Variants in MAP3K9 observed in about 807,000 individuals in gnomAD.
MAP3K9 encodes the protein mitogen-activated protein kinase kinase kinase 9, also known as mixed lineage kinase 1 (tyr and ser/thr specificity).
A neutral mutation model predicts 95.8 loss-of-function variants in MAP3K9; 46 were observed. That is an observed-to-expected ratio of 0.48 (90% CI 0.38 to 0.61). MAP3K9 has a LOEUF of 0.61. Ranked by LOEUF, MAP3K9 falls within the 20% of genes least tolerant of loss-of-function variation. The pLI, the probability that MAP3K9 is intolerant of heterozygous loss-of-function variation, is 0.00. For missense variants in MAP3K9, 1,296 were observed against 1,474.3 expected, an observed-to-expected ratio of 0.88 and a Z score of 1.98; for synonymous variants, 533 against 593.8, an observed-to-expected ratio of 0.90 and a Z score of 1.49.
intron 2 of MAP3K9, among the ~76,000 whole-genome samples, chr14:70,761,487 G>A (rs1221054530): frequency 1.3e-4 from 20 of 152,178 alleles, no homozygotes; most frequent in Non-Finnish European, 1.5e-5. Context: ...TCCTGGCTGG[G>A]CACAGTGGTT....
intron 2 of MAP3K9, among the ~76,000 whole-genome samples, chr14:70,765,246 C>T (rs1320662207): frequency 6.6e-6 from 1 of 152,122 alleles, no homozygotes; most frequent in Non-Finnish European, 1.5e-5. Flanking sequence ...AGAAGAATTG[C>T]TTGAACTTGG....
chr14:70,730,960 C>A, intron 11 of MAP3K9, 96 bp from the exon 12 acceptor site: 1 of 1,307,274 alleles, frequency 7.6e-7, no homozygotes, highest in Non-Finnish European at 1.0e-6. Context: ...TATCCCTACG[C>A]AATCAGGAGA....
chr14:70,732,411 T>G, intron 11 of MAP3K9, 128 bp downstream of exon 11: 1 of 1,363,638 alleles, frequency 7.3e-7, no homozygotes, highest in Non-Finnish European at 9.5e-7. Flanking sequence ...CTGTATTTCT[T>G]GATTGGCTAA....
intron 11 of MAP3K9, among the ~76,000 whole-genome samples, chr14:70,732,243 C>T (rs1343458126): frequency 6.6e-6 from 1 of 152,148 alleles, no homozygotes; most frequent in Non-Finnish European, 1.5e-5. Context: ...GAAAACACTA[C>T]CCTACCCTAA....
chr14:70,785,623 C>T (rs1482591696), intron 2 of MAP3K9, among the ~76,000 whole-genome samples: 1 of 152,150 alleles, frequency 6.6e-6, no homozygotes, highest in African/African-American at 2.4e-5. Flanking sequence ...GTGTTTGGTA[C>T]TCCCAACCTT....
At position 70,774,725 on chromosome 14, in the gene MAP3K9, G is replaced by A. The variant is rs190053902; in HGVS notation, c.821-13543C>T. ...AAAAAGGCCAGGCACGGTGGCTCACGCCTGTAATCCCAGCACTGTGGGAGG... is the reference window on the plus strand; with the variant it reads ...AAAAAGGCCAGGCACGGTGGCTCACACCTGTAATCCCAGCACTGTGGGAGG... On this transcript the variant is annotated intron_variant, in intron 2 of 11. Transcript: ENST00000554752. Among the ~76,000 whole-genome samples the A allele has an allele frequency of 6.3e-3, 963 of 151,922 alleles. 11 individuals are homozygous for A. The highest frequency in any genetic ancestry group is 0.021 in the African/African-American group (877 of 41,428).
chr14:70,732,070 T>G (rs961751704), intron 11 of MAP3K9, among the ~76,000 whole-genome samples: 2 of 152,170 alleles, frequency 1.3e-5, no homozygotes, highest in African/African-American at 4.8e-5. Flanking sequence ...GGTGGAAGCC[T>G]GCCTTCTGAG....
chr14:70,785,896 C>G (rs1433833268), intron 2 of MAP3K9, among the ~76,000 whole-genome samples: 1 of 152,082 alleles, frequency 6.6e-6, no homozygotes, highest in Non-Finnish European at 1.5e-5. Flanking sequence ...TGTAATATTT[C>G]TGGACCACAG....
intron 2 of MAP3K9, among the ~76,000 whole-genome samples, chr14:70,786,915 C>T (rs184973175): frequency 6.6e-5 from 10 of 152,158 alleles, no homozygotes; most frequent in Admixed American, 6.5e-4. Context: ...TCTTGGTACT[C>T]ACTGATTAAG....
chr14:70,750,174 C>T, intron 3 of MAP3K9, 93 bp from the exon 4 acceptor site: 3 of 1,094,818 alleles, frequency 2.7e-6, no homozygotes, highest in South Asian at 2.9e-5. Context: ...CCCACATTCT[C>T]CCCAACAGAT....
intron 9 of MAP3K9, among the ~76,000 whole-genome samples, chr14:70,734,838 C>T (rs539178814): frequency 2.6e-5 from 4 of 152,276 alleles, no homozygotes; most frequent in East Asian, 3.9e-4. Context: ...GAGAAGCACT[C>T]GAAGCAGACA....
At chr14:70,745,737 CA>C (rs1217101409) in intron 5 of MAP3K9, among the ~76,000 whole-genome samples, 1,355 of 110,670 alleles carry the variant, frequency 0.012, 11 homozygotes, top group African/African-American at 0.029. Flanking sequence ...GACTCTGTCT[CA>C]AAAAAAAAAA....
chr14:70,781,688 C>A (rs1161999243), intron 2 of MAP3K9, among the ~76,000 whole-genome samples: 1 of 152,210 alleles, frequency 6.6e-6, no homozygotes, highest in Non-Finnish European at 1.5e-5. Context: ...TTCATTTAAT[C>A]CTCATTATAA....
At chr14:70,733,686 G>A in intron 10 of MAP3K9, 1 of 716,964 alleles carries the variant, frequency 1.4e-6, no homozygotes. Context: ...CACAGTTGCT[G>A]GGTGTGTCTG....
chr14:70,771,430 C>T (rs758027326), intron 2 of MAP3K9, among the ~76,000 whole-genome samples: 4 of 152,154 alleles, frequency 2.6e-5, no homozygotes, highest in South Asian at 2.1e-4. Context: ...AAGGCATATA[C>T]GTACTCCTGC....
Position 70,732,908 on chromosome 14 carries a change from G to A in MAP3K9, c.2461C>T (p.Pro821Ser). The A allele has an allele frequency of 6.2e-7, 1 of 1,613,972 alleles. No individual in the cohort carries two copies. The highest frequency in any genetic ancestry group is 8.5e-7 in the Non-Finnish European group (1 of 1,179,896). Residue 821 changes from proline (P) to serine (S), a missense_variant, in exon 11 of 12, where the codon CCC becomes TCC. By Grantham distance (74) the Pro-to-Ser change is moderately conservative. This residue lies in a region of MAP3K9 where 433 missense variants were observed against 441.4 expected (regional missense o/e 0.98). Transcript: ENST00000554752. ...PSRKLFKKEE[P>S]MLLLGDPSAS... ...GAGGGGTCTCCTAGCAACAGCATGG[G>A]CTCCTCCTTCTTGAAAAGCTTTCGG...
At chr14:70,788,540 A>G (rs1287415521) in intron 2 of MAP3K9, among the ~76,000 whole-genome samples, 1 of 152,240 alleles carries the variant, frequency 6.6e-6, no homozygotes, top group Non-Finnish European at 1.5e-5. Context: ...TAACAGAGCC[A>G]GGTAAGACTC....
intron 2 of MAP3K9, among the ~76,000 whole-genome samples, chr14:70,798,137 A>ACAG (rs2054885114): frequency 6.6e-6 from 1 of 152,192 alleles, no homozygotes; most frequent in Non-Finnish European, 1.5e-5. Context: ...TCTCCTACAA[A>ACAG]CAGCAGAACC....
rs140150807 is a variant in MAP3K9 at position 70,751,460 on chromosome 14, C to T, written c.1002-1379G>A. Among the ~76,000 whole-genome samples the T allele has an allele frequency of 9.9e-3, 1,508 of 152,314 alleles. 12 individuals are homozygous for T. Among genetic ancestry groups the T allele is most frequent in the African/African-American group, 0.027 (1,136 of 41,572 alleles). ...GGTGGCTCACATCTGTAATCCCAGACTGTAAATTCAGCCTTTGGGAGGCGG... is the reference window on the plus strand; with the variant it reads ...GGTGGCTCACATCTGTAATCCCAGATTGTAAATTCAGCCTTTGGGAGGCGG... On this transcript the variant is annotated intron_variant, in intron 3 of 11. Coordinates refer to ENST00000554752, the MANE Select transcript of MAP3K9 (RefSeq NM_001284230.2).
Sources: allele counts gnomAD v4.1 joint callset (sites outside exome capture counted in the v4.1 genomes callset), GRCh38; gene constraint gnomAD v4.1.1; regional missense constraint gnomAD v4.1.1; transcripts MANE v1.5; gene names NCBI Gene and HGNC (gene_info 2026-07-23, HGNC 2026-07-21).